Variants in RAB11FIP4 observed in about 807,000 individuals in gnomAD.
The protein encoded by RAB11FIP4 is rab11 family-interacting protein 4.
Under a neutral mutation model 74.3 loss-of-function variants are expected in RAB11FIP4, and 23 were observed. That is an observed-to-expected ratio of 0.31 (90% CI 0.22 to 0.44). RAB11FIP4 has a LOEUF of 0.44. Among genes scored for constraint, RAB11FIP4 ranks in the 20% least tolerant of loss-of-function variants. The pLI is 1.00. For synonymous variants in RAB11FIP4, 360 were observed against 359.9 expected, an observed-to-expected ratio of 1.00 and a Z score of 0.00; for missense variants, 630 against 863.9, an observed-to-expected ratio of 0.73 and a Z score of 3.39.
rs201382238 is a variant in RAB11FIP4, at chr17:31,524,014, G to T, written c.1133+18G>T. The T allele has an allele frequency of 1.3e-6, 2 of 1,582,982 alleles. No homozygotes were observed. The highest frequency in any genetic ancestry group is 1.3e-5 in the African/African-American group (1 of 74,494). The stretch of plus-strand genomic sequence containing the variant: ...GTGCACAGGTCAAGCAGGCAGCGGC[G>T]CTGGGGGCTCGGCCGTGACGCTGGG... On this transcript the variant is annotated intron_variant, in intron 9 of 14. Coordinates refer to ENST00000621161, the MANE Select transcript of RAB11FIP4 (RefSeq NM_032932.6).
chr17:31,410,681 G>T (rs1236150112), intron 1 of RAB11FIP4, among the ~76,000 whole-genome samples: 1 of 152,172 alleles, frequency 6.6e-6, no homozygotes, highest in Non-Finnish European at 1.5e-5. Context: ...GGCTGAGTCT[G>T]CCTGGGAAGG....
At chr17:31,471,628 A>G (rs1258102308) in intron 3 of RAB11FIP4, among the ~76,000 whole-genome samples, 4 of 151,956 alleles carry the variant, frequency 2.6e-5, no homozygotes, top group African/African-American at 9.7e-5. Flanking sequence ...AAGGGGAGAG[A>G]GGTGGCCGTG....
At chr17:31,426,829 T>A (rs2071256640) in intron 1 of RAB11FIP4, among the ~76,000 whole-genome samples, 1 of 152,160 alleles carries the variant, frequency 6.6e-6, no homozygotes, top group African/African-American at 2.4e-5. Context: ...CTCAATCTCT[T>A]GACCTAGTGA....
At chr17:31,522,073 G>A (rs778572191) in intron 6 of RAB11FIP4, 24 bp downstream of exon 6, 12 of 1,613,744 alleles carry the variant, frequency 7.4e-6, no homozygotes, top group Admixed American at 1.7e-5. Flanking sequence ...CCAGCTGGGG[G>A]GTGAGAGGCC....
rs1235534233 is a variant in RAB11FIP4 at position 31,532,923 on chromosome 17, G to A, written c.*1191G>A. The A allele has an allele frequency of 6.6e-6, 1 of 152,138 alleles. No homozygotes were observed. Among genetic ancestry groups the A allele is most frequent in the Non-Finnish European group, 1.5e-5 (1 of 68,040 alleles). The allele number at this position is 152,138 out of a possible 1,614,324, so 9.4% of individuals were successfully genotyped here. A position where few individuals can be genotyped will look rare whatever the true frequency, so the allele number is the denominator to read the frequency against. ...GAAATTCACACCATGGATTTTTAAT[G>A]GATCTTTGTTCTAGGCAGCTGGGAA... On this transcript the variant is annotated 3_prime_UTR_variant, in exon 15 of 15. Coordinates refer to ENST00000621161, the MANE Select transcript of RAB11FIP4 (RefSeq NM_032932.6).
intron 3 of RAB11FIP4, among the ~76,000 whole-genome samples, chr17:31,461,024 T>C (rs2071628919): frequency 1.3e-5 from 2 of 150,720 alleles, no homozygotes; most frequent in South Asian, 2.1e-4. Context: ...CCACCAACTC[T>C]CACCATCCAC....
intron 3 of RAB11FIP4, among the ~76,000 whole-genome samples, chr17:31,464,155 C>T (rs1266727638): frequency 6.6e-6 from 1 of 151,962 alleles, no homozygotes; most frequent in Non-Finnish European, 1.5e-5. Context: ...CCCGCAGGTT[C>T]AAGGATCATA....
At chr17:31,429,828 C>CAAAAAA (rs751342010) in intron 1 of RAB11FIP4, among the ~76,000 whole-genome samples, 6 of 80,288 alleles carry the variant, frequency 7.5e-5, no homozygotes, top group Admixed American at 1.5e-4. Context: ...GATTCCATCT[C>CAAAAAA]AAAAAAAAAA....
At position 31,517,817 on chromosome 17, in the gene RAB11FIP4, C is replaced by G. The variant is rs1408538398; in HGVS notation, c.503C>G (p.Ser168Cys). The change falls in exon 4 of 15, where the codon TCT becomes TGT. Residue 168 changes from serine to cysteine, a missense_variant. Coordinates refer to ENST00000621161, the MANE Select transcript of RAB11FIP4 (RefSeq NM_032932.6). The stretch of plus-strand genomic sequence containing the variant: ...GAGAGCACTCAGAGCCTGGAGGGGT[C>G]TGTCGGGAGTCCTGCCGAGAAGGAC... ...PMESTQSLEG[S>C]VGSPAEKDGG... 6 of 1,552,718 alleles carry G rather than the reference C, an allele frequency of 3.9e-6. No homozygotes were observed. Among genetic ancestry groups the G allele is most frequent in the Admixed American group, 2.0e-5 (1 of 51,028 alleles).
At chr17:31,503,097 A>C (rs182853062) in intron 3 of RAB11FIP4, among the ~76,000 whole-genome samples, 1 of 152,158 alleles carries the variant, frequency 6.6e-6, no homozygotes, top group Non-Finnish European at 1.5e-5. Context: ...CAGTGGCACT[A>C]TCTCGGCTCA....
Position 31,419,707 on chromosome 17 carries a change from T to C in RAB11FIP4, c.160-12106T>C, listed in dbSNP as rs191795442. Reference sequence around the variant, plus strand: ...CTGGGACTACAGGCGCCCACCACCATGCCCGGCTAATTTTTTGTATTTTTA... The same window carrying C: ...CTGGGACTACAGGCGCCCACCACCACGCCCGGCTAATTTTTTGTATTTTTA... On this transcript the variant is annotated intron_variant, in intron 1 of 14. Transcript: ENST00000621161. Among the ~76,000 whole-genome samples the C allele has an allele frequency of 2.2e-3, 336 of 151,974 alleles. 2 individuals are homozygous for C. Among genetic ancestry groups the C allele is most frequent in the African/African-American group, 7.7e-3 (321 of 41,468 alleles).
At position 31,505,524 on chromosome 17, in the gene RAB11FIP4, TTATA is replaced by T. The variant is rs1189835150; in HGVS notation, c.337-12122_337-12119del. Among the ~76,000 whole-genome samples, 26 of 81,746 alleles carry T rather than the reference TTATA, an allele frequency of 3.2e-4. 1 individual carries two copies. The highest frequency in any genetic ancestry group is 5.4e-4 in the South Asian group (2 of 3,738). 53.6% of individuals were successfully genotyped at this position (81,746 alleles called of 152,430 possible). A position where few individuals can be genotyped will look rare whatever the true frequency, so the allele number is the denominator to read the frequency against. Reference sequence around the variant, plus strand: ...TTATATTATATATAATAATTATATATTATATATAATTATTATATATTATATATAA... The same window carrying T: ...TTATATTATATATAATAATTATATATTATAATTATTATATATTATATATAA... On this transcript the variant is annotated intron_variant, in intron 3 of 14. Transcript: ENST00000621161.
At chr17:31,474,125 A>G (rs2071766682) in intron 3 of RAB11FIP4, among the ~76,000 whole-genome samples, 1 of 152,198 alleles carries the variant, frequency 6.6e-6, no homozygotes, top group Non-Finnish European at 1.5e-5. Context: ...CCCATCCTGC[A>G]TCCCTTGTGC....
chr17:31,524,327 G>T, intron 9 of RAB11FIP4: 1 of 307,968 alleles, frequency 3.2e-6, no homozygotes, highest in Non-Finnish European at 6.3e-6. Flanking sequence ...CCCTTCCTAG[G>T]GACAAGCTCT....
intron 3 of RAB11FIP4, among the ~76,000 whole-genome samples, chr17:31,453,911 G>A (rs781408727): frequency 2.0e-5 from 3 of 152,122 alleles, no homozygotes; most frequent in Non-Finnish European, 4.4e-5. Flanking sequence ...ACATATCATG[G>A]TCCATTGAAT....
At chr17:31,411,117 G>A (rs557202992) in intron 1 of RAB11FIP4, among the ~76,000 whole-genome samples, 293 of 152,204 alleles carry the variant, frequency 1.9e-3, no homozygotes, top group African/African-American at 6.7e-3. Flanking sequence ...TAATCCCAGC[G>A]CTTTGGGAGG....
chr17:31,440,655 G>A (rs2071399113), intron 3 of RAB11FIP4, among the ~76,000 whole-genome samples: 1 of 152,188 alleles, frequency 6.6e-6, no homozygotes, highest in Non-Finnish European at 1.5e-5. Context: ...TGTAATCCCA[G>A]CTACTTGGGA....
intron 3 of RAB11FIP4, among the ~76,000 whole-genome samples, chr17:31,490,608 T>G (rs2071990089): frequency 6.6e-6 from 1 of 151,404 alleles, no homozygotes; most frequent in Non-Finnish European, 1.5e-5. Context: ...CAAGCTGGAG[T>G]CAAGTGGTGT....
At chr17:31,398,349 C>A (rs772768811) in intron 1 of RAB11FIP4, among the ~76,000 whole-genome samples, 3 of 152,082 alleles carry the variant, frequency 2.0e-5, no homozygotes, top group Non-Finnish European at 2.9e-5. Flanking sequence ...CTGTCAGACA[C>A]TCTTGACGAA....
Sources: allele counts gnomAD v4.1 joint callset (sites outside exome capture counted in the v4.1 genomes callset), GRCh38; gene constraint gnomAD v4.1.1; transcripts MANE v1.5; gene names NCBI Gene and HGNC (gene_info 2026-07-23, HGNC 2026-07-21).